HIF3A: variants seen among roughly 807,000 people sequenced by gnomAD.
HIF3A encodes the protein hypoxia inducible factor 3 subunit alpha.
HIF3A carries 41 observed loss-of-function variants against 67.2 expected under a neutral mutation model. That is an observed-to-expected ratio of 0.61 (90% CI 0.48 to 0.79). The LOEUF is 0.79. Among genes scored for constraint, HIF3A ranks in the 30% least tolerant of loss-of-function variants. The pLI, the probability that HIF3A is intolerant of heterozygous loss-of-function variation, is 0.00. For synonymous variants in HIF3A, 356 were observed against 374.8 expected (o/e 0.95, Z 0.58); for missense variants, 855 against 898.0 (o/e 0.95, Z 0.61).
intron 10 of HIF3A, among the ~76,000 whole-genome samples, chr19:46,324,715 G>A (rs541530880): frequency 1.3e-5 from 2 of 151,584 alleles, no homozygotes; most frequent in South Asian, 2.1e-4. Context: ...TTAGCCAGGC[G>A]TGGTGGAGGG....
chr19:46,305,460 C>G (rs1968760316), intron 3 of HIF3A, 70 bp downstream of exon 3: 1 of 1,441,118 alleles, frequency 6.9e-7, no homozygotes, highest in African/African-American at 1.4e-5. Flanking sequence ...GTGACCAGGA[C>G]AGCCATAGCC....
At chr19:46,308,506 TC>T (rs1273609418) in intron 4 of HIF3A, 156 bp from the exon 5 acceptor site, 1 of 629,198 alleles carries the variant, frequency 1.6e-6, no homozygotes, top group South Asian at 2.0e-5. Context: ...CCCTGGGGGG[TC>T]CAAGGGGACA....
At chr19:46,324,249 G>A (rs1970593769) in intron 10 of HIF3A, among the ~76,000 whole-genome samples, 1 of 152,166 alleles carries the variant, frequency 6.6e-6, no homozygotes, top group South Asian at 2.1e-4. Flanking sequence ...GTTATTCTGA[G>A]CATTAAGTGA....
intron 6 of HIF3A, among the ~76,000 whole-genome samples, chr19:46,311,885 A>G (rs1969456911): frequency 6.6e-6 from 1 of 152,038 alleles, no homozygotes; most frequent in Non-Finnish European, 1.5e-5. Context: ...AAAACAAACA[A>G]AAAACTTCTA....
intron 1 of HIF3A, among the ~76,000 whole-genome samples, chr19:46,299,247 G>C (rs571954010): frequency 4.2e-4 from 64 of 152,362 alleles, no homozygotes; most frequent in African/African-American, 1.5e-3. Flanking sequence ...GGGGTGTGAC[G>C]GGGGAAGGGA....
chr19:46,336,679 A>G (rs1482638865), intron 14 of HIF3A, among the ~76,000 whole-genome samples: 1 of 148,248 alleles, frequency 6.7e-6, no homozygotes, highest in East Asian at 2.2e-4. Flanking sequence ...GAGCCACCGC[A>G]CCAGGCCCCT....
intron 10 of HIF3A, among the ~76,000 whole-genome samples, chr19:46,323,346 G>GTGACAGT (rs1405336930): frequency 2.6e-5 from 4 of 151,884 alleles, no homozygotes; most frequent in Non-Finnish European, 5.9e-5. Flanking sequence ...ACCGCGCCCG[G>GTGACAGT]CCTCTGGGGA....
At position 46,304,188 on chromosome 19, in the gene HIF3A, C is replaced by G. The variant is rs992153229; in HGVS notation, c.217+100C>G. 18 of 1,055,506 alleles carry G rather than the reference C, an allele frequency of 1.7e-5. No homozygotes were observed. In the Admixed American group the frequency reaches 4.3e-4, roughly 25 times the overall value. 65.4% of individuals were successfully genotyped at this position (1,055,506 alleles called of 1,614,324 possible). On this transcript the variant is annotated intron_variant, in intron 2 of 14. Transcript: ENST00000377670. ...CCTCCTCCGGGAAGCCTTATTCTGA[C>G]AAAGCCCCGCCCCCTGGTGTCGTTT...
chr19:46,298,438 C>T (rs1442618133), intron 1 of HIF3A: 3 of 1,288,612 alleles, frequency 2.3e-6, no homozygotes, highest in East Asian at 1.1e-4. Context: ...TCGTAACTCG[C>T]ACCCGGGTCC....
chr19:46,304,248 TC>T (rs1440426671), intron 2 of HIF3A, 160 bp downstream of exon 2: 24 of 629,704 alleles, frequency 3.8e-5, no homozygotes, highest in South Asian at 3.5e-4. Context: ...GGAATCGACT[TC>T]CCCGGGGAGG....
At chr19:46,319,429 C>A (rs779161294) in intron 8 of HIF3A, among the ~76,000 whole-genome samples, 1 of 152,048 alleles carries the variant, frequency 6.6e-6, no homozygotes, top group Non-Finnish European at 1.5e-5. Context: ...CCCCACCCAA[C>A]TCTCCAAAAG....
intron 9 of HIF3A, 46 bp from the exon 10 acceptor site, chr19:46,321,730 C>T: frequency 6.4e-7 from 1 of 1,565,404 alleles, no homozygotes; most frequent in African/African-American, 1.3e-5. Context: ...GGCCCTTGGC[C>T]CTCAGTCACC....
rs200885471 is a variant in HIF3A at position 46,312,470 on chromosome 19, T to C, written c.878-36T>C. ...GATATTTCTCTCCCCATTTGCCCCCTTGGTGGCCCTGATCCCTCCCGATCC... is the reference window on the plus strand; with the variant it reads ...GATATTTCTCTCCCCATTTGCCCCCCTGGTGGCCCTGATCCCTCCCGATCC... On this transcript the variant is annotated intron_variant, in intron 7 of 14. Transcript: ENST00000377670. 1,334 of 1,611,250 alleles carry C rather than the reference T, an allele frequency of 8.3e-4. 2 individuals are homozygous for C. Among genetic ancestry groups the C allele is most frequent in the Non-Finnish European group, 1.0e-3 (1,229 of 1,178,438 alleles).
At chr19:46,324,943 CATATATATATATAT>C (rs559944273) in intron 10 of HIF3A, among the ~76,000 whole-genome samples, 2 of 132,252 alleles carry the variant, frequency 1.5e-5, no homozygotes, top group Non-Finnish European at 3.2e-5. Context: ...TATATATATA[CATATATATATATAT>C]ACACATACAC....
In HIF3A at chr19:46,304,181, A is replaced by G. The variant is rs1968606978; in HGVS notation, c.217+93A>G. ...GGAGGCCCCTCCTCCGGGAAGCCTT[A>G]TTCTGACAAAGCCCCGCCCCCTGGT... On this transcript the variant is annotated intron_variant, in intron 2 of 14. Coordinates refer to ENST00000377670, the MANE Select transcript of HIF3A (RefSeq NM_152795.4). 6.1e-6 allele frequency: 7 copies of G among 1,152,552 alleles called. No homozygotes were observed. In the Admixed American group the frequency reaches 1.6e-4, roughly 26 times the overall value. The allele number at this position is 1,152,552 out of a possible 1,614,324, so 71.4% of individuals were successfully genotyped here.
At chr19:46,337,482 T>C (rs1307596586) in intron 14 of HIF3A, among the ~76,000 whole-genome samples, 1 of 152,100 alleles carries the variant, frequency 6.6e-6, no homozygotes, top group Non-Finnish European at 1.5e-5. Flanking sequence ...TTGCTCAGGC[T>C]GGTCTCAAAC....
rs918977072 is a variant in HIF3A, at chr19:46,313,410, C to G, written c.1025+757C>G. 7 of 595,358 alleles carry G rather than the reference C, an allele frequency of 1.2e-5. No individual in the cohort carries two copies. In the African/African-American group the frequency reaches 1.6e-4, roughly 14 times the overall value. 36.9% of individuals were successfully genotyped at this position (595,358 alleles called of 1,614,324 possible). On this transcript the variant is annotated intron_variant, in intron 8 of 14. Transcript: ENST00000377670. ...GGCCAGGGGAGGAGGATTGCTAGAGCCTGGGGGTTCAAGACCAGCCTGGGC... is the reference window on the plus strand; with the variant it reads ...GGCCAGGGGAGGAGGATTGCTAGAGGCTGGGGGTTCAAGACCAGCCTGGGC...
chr19:46,309,947 G>A (rs1261709459), intron 6 of HIF3A, among the ~76,000 whole-genome samples: 3 of 152,148 alleles, frequency 2.0e-5, no homozygotes, highest in African/African-American at 4.8e-5. Flanking sequence ...AAGTGGGGCC[G>A]GGTGCAGTGG....
At position 46,342,136 on chromosome 19, in the gene HIF3A, C is replaced by T. The variant is rs1971956263; in HGVS notation, c.*2514C>T. The T allele has an allele frequency of 6.6e-6, 1 of 152,132 alleles. No individual in the cohort carries two copies. Among genetic ancestry groups the T allele is most frequent in the Non-Finnish European group, 1.5e-5 (1 of 68,022 alleles). The allele number at this position is 152,132 out of a possible 1,614,324, so 9.4% of individuals were successfully genotyped here. ...TGGTTCTAGAACTGACTTACAAGTG[C>T]CTTCTGATTCTAGACCTCATTCCGT... On this transcript the variant is annotated 3_prime_UTR_variant, in exon 15 of 15. Coordinates refer to ENST00000377670, the MANE Select transcript of HIF3A (RefSeq NM_152795.4).
Sources: allele counts gnomAD v4.1 joint callset (sites outside exome capture counted in the v4.1 genomes callset), GRCh38; gene constraint gnomAD v4.1.1; transcripts MANE v1.5; gene names NCBI Gene and HGNC (gene_info 2026-07-23, HGNC 2026-07-21).